Variants in SYT1 observed in about 807,000 individuals in gnomAD.
SYT1 encodes synaptotagmin 1.
A neutral mutation model predicts 44.8 loss-of-function variants in SYT1; 8 were observed. The ratio of observed to expected loss-of-function variants is 0.18; its 90% CI spans 0.10 to 0.32. SYT1 has a LOEUF of 0.32. Ranked by LOEUF, SYT1 falls within the 10% of genes least tolerant of loss-of-function variation. The probability of loss-of-function intolerance (pLI) is 1.00; values close to 1 mark genes in which losing one functional copy is unlikely to be tolerated. For synonymous variants in SYT1, 154 were observed against 188.8 expected (o/e 0.82, Z 1.51); for missense variants, 286 against 509.3 (o/e 0.56, Z 4.22).
intron 3 of SYT1, among the ~76,000 whole-genome samples, chr12:79,189,737 C>T (rs1327476086): frequency 6.6e-6 from 1 of 152,048 alleles, no homozygotes; most frequent in Non-Finnish European, 1.5e-5. Flanking sequence ...AACCTCGTCT[C>T]TACTAAAAAT....
At chr12:79,082,686 T>A (rs916143456) in intron 3 of SYT1, among the ~76,000 whole-genome samples, 1 of 152,182 alleles carries the variant, frequency 6.6e-6, no homozygotes, top group Non-Finnish European at 1.5e-5. Context: ...GCCAATCAGC[T>A]GCTAAGGCCT....
intron 3 of SYT1, among the ~76,000 whole-genome samples, chr12:79,096,037 G>T (rs1463628301): frequency 6.6e-6 from 1 of 151,770 alleles, no homozygotes; most frequent in Non-Finnish European, 1.5e-5. Flanking sequence ...GGAGGATGAG[G>T]GGAAGAAATG....
chr12:78,992,871 G>C (rs908535447), intron 2 of SYT1, among the ~76,000 whole-genome samples: 1 of 152,052 alleles, frequency 6.6e-6, no homozygotes, highest in Non-Finnish European at 1.5e-5. Context: ...GGCACTTGTG[G>C]GAAAAAAGCA....
intron 4 of SYT1, among the ~76,000 whole-genome samples, chr12:79,282,840 T>C (rs1733576481): frequency 6.6e-6 from 1 of 152,160 alleles, no homozygotes; most frequent in South Asian, 2.1e-4. Context: ...AATAAGATAA[T>C]GTATCTATAA....
intron 4 of SYT1, among the ~76,000 whole-genome samples, chr12:79,259,868 A>G (rs896157915): frequency 5.2e-4 from 79 of 152,256 alleles, no homozygotes; most frequent in African/African-American, 1.9e-3. Flanking sequence ...CCACAGCCAG[A>G]AAGAGCAAAA....
At chr12:78,953,244 A>G (rs1879055803) in intron 1 of SYT1, among the ~76,000 whole-genome samples, 1 of 152,072 alleles carries the variant, frequency 6.6e-6, no homozygotes, top group African/African-American at 2.4e-5. Flanking sequence ...ATAGGAATGA[A>G]TGATATAGGG....
intron 9 of SYT1, among the ~76,000 whole-genome samples, chr12:79,394,494 G>A (rs1012039778): frequency 2.6e-5 from 4 of 152,138 alleles, no homozygotes; most frequent in Non-Finnish European, 5.9e-5. Context: ...GGATGATTCA[G>A]TATACAAATG....
chr12:78,918,091 T>C (rs1408573172), intron 1 of SYT1, among the ~76,000 whole-genome samples: 1 of 152,116 alleles, frequency 6.6e-6, no homozygotes, highest in Non-Finnish European at 1.5e-5. Context: ...AAGGTGTCTT[T>C]AAATCTGCTA....
intron 8 of SYT1, among the ~76,000 whole-genome samples, chr12:79,324,840 A>AAG (rs1881538089): frequency 6.6e-6 from 1 of 152,222 alleles, no homozygotes; most frequent in African/African-American, 2.4e-5. Context: ...TAAATACATA[A>AAG]AGACTTATAC....
chr12:79,160,092 A>G (rs923184432), intron 3 of SYT1, among the ~76,000 whole-genome samples: 1 of 152,184 alleles, frequency 6.6e-6, no homozygotes, highest in African/African-American at 2.4e-5. Flanking sequence ...ATGTTTTAAG[A>G]TATTTAGAAA....
intron 3 of SYT1, among the ~76,000 whole-genome samples, chr12:79,187,008 A>G (rs1872839505): frequency 1.3e-5 from 2 of 152,074 alleles, no homozygotes; most frequent in South Asian, 2.1e-4. Flanking sequence ...GATAACTTCA[A>G]TAGTGTTTTA....
chr12:79,423,172 G>T (rs1869222005), intron 9 of SYT1, among the ~76,000 whole-genome samples: 1 of 152,116 alleles, frequency 6.6e-6, no homozygotes, highest in Non-Finnish European at 1.5e-5. Context: ...CATTGTATGT[G>T]TGTGTGTCTG....
intron 4 of SYT1, among the ~76,000 whole-genome samples, chr12:79,267,380 A>C (rs1006476147): frequency 2.0e-5 from 3 of 152,192 alleles, no homozygotes; most frequent in Non-Finnish European, 4.4e-5. Flanking sequence ...CAAAGTTGGA[A>C]AACAGGTTAA....
intron 3 of SYT1, among the ~76,000 whole-genome samples, chr12:79,135,792 G>A (rs543728296): frequency 3.9e-5 from 6 of 152,310 alleles, no homozygotes; most frequent in Non-Finnish European, 5.9e-5. Context: ...TGGTGAATGC[G>A]TGCTTTTTCT....
chr12:79,093,766 A>G (rs1037175379), intron 3 of SYT1, among the ~76,000 whole-genome samples: 1 of 151,656 alleles, frequency 6.6e-6, no homozygotes, highest in Admixed American at 6.6e-5. Context: ...CACCAAAAAC[A>G]CATCCTAGTT....
intron 10 of SYT1, among the ~76,000 whole-genome samples, chr12:79,448,033 T>G (rs1470871984): frequency 1.3e-5 from 2 of 152,230 alleles, no homozygotes; most frequent in East Asian, 3.8e-4. Flanking sequence ...CCATCACATA[T>G]TCTGCTAAGT....
In SYT1 at chr12:79,451,585, T is replaced by C. The variant is rs916999681; in HGVS notation, c.*2461T>C. The C allele has an allele frequency of 1.3e-5, 2 of 152,228 alleles. No individual in the cohort carries two copies. The highest frequency in any genetic ancestry group is 4.8e-5 in the African/African-American group (2 of 41,452). 9.4% of individuals were successfully genotyped at this position (152,228 alleles called of 1,614,324 possible). ...ACTGCCAGACATGGGATTGTCACCA[T>C]AGAATTAGTTGGTACTATGCCATCT... On this transcript the variant is annotated 3_prime_UTR_variant, in exon 11 of 11. Coordinates refer to ENST00000261205, the MANE Select transcript of SYT1 (RefSeq NM_005639.3).
intron 3 of SYT1, among the ~76,000 whole-genome samples, chr12:79,078,690 C>T (rs1390011239): frequency 6.6e-6 from 1 of 152,102 alleles, no homozygotes; most frequent in Non-Finnish European, 1.5e-5. Flanking sequence ...CTCTCCCTCC[C>T]TCAACCTACC....
At chr12:79,092,561 C>CA (rs148457452) in intron 3 of SYT1, among the ~76,000 whole-genome samples, 16,949 of 151,412 alleles carry the variant, frequency 0.11, 1,023 homozygotes, top group African/African-American at 0.13. Context: ...ATGTGCCAAA[C>CA]AAAAAAGTCA....
Sources: allele counts gnomAD v4.1 joint callset (sites outside exome capture counted in the v4.1 genomes callset), GRCh38; gene constraint gnomAD v4.1.1; transcripts MANE v1.5; gene names NCBI Gene and HGNC (gene_info 2026-07-23, HGNC 2026-07-21).